Variants in HIRA observed in about 807,000 individuals in gnomAD.
HIRA encodes the protein histone cell cycle regulator.
In HIRA, 13 loss-of-function variants were observed where a neutral mutation model predicts 126.6. The ratio of observed to expected loss-of-function variants is 0.10; its 90% confidence interval spans 0.07 to 0.16. The LOEUF is 0.16. Among genes scored for constraint, HIRA ranks in the 10% least tolerant of loss-of-function variants. HIRA has a pLI of 1.00. For missense variants in HIRA, 834 were observed against 1,314.4 expected, an observed-to-expected ratio of 0.63 and a Z score of 5.65; for synonymous variants, 511 against 520.0, an observed-to-expected ratio of 0.98 and a Z score of 0.24.
intron 8 of HIRA, 82 bp downstream of exon 8, chr22:19,394,260 A>G (rs968381408): frequency 1.7e-5 from 25 of 1,463,700 alleles, no homozygotes; most frequent in Non-Finnish European, 2.2e-5. Context: ...TAAATATTTA[A>G]GTATAACTAT....
intron 5 of HIRA, among the ~76,000 whole-genome samples, chr22:19,403,846 A>C (rs982328845): frequency 6.6e-6 from 1 of 152,192 alleles, no homozygotes; most frequent in Non-Finnish European, 1.5e-5. Flanking sequence ...TGCACCTACA[A>C]CTAATTTAGA....
At chr22:19,367,368 A>AT (rs34765416) in intron 15 of HIRA, among the ~76,000 whole-genome samples, 46 of 138,930 alleles carry the variant, frequency 3.3e-4, no homozygotes, top group Admixed American at 7.9e-4. Context: ...CCAATGTACC[A>AT]TTTTTTTTTT....
In HIRA at chr22:19,413,352, G is replaced by C. The variant is rs147143906; in HGVS notation, c.38-2574C>G. ...TTAAACATCATGGGCTGAATCTTTA[G>C]CCCTGCCACTTACCCAGCTACAAAG... On this transcript the variant is annotated intron_variant, in intron 1 of 24. Coordinates refer to ENST00000263208, the MANE Select transcript of HIRA (RefSeq NM_003325.4). 1.5e-4 allele frequency among the ~76,000 whole-genome samples: 23 copies of C among 152,236 alleles called. No individual in the cohort carries two copies. In the East Asian group the frequency reaches 4.4e-3, roughly 29 times the overall value.
Position 19,405,811 on chromosome 22 carries a change from G to A in HIRA, c.372C>T (p.Val124=), listed in dbSNP as rs774451694. 6.7e-7 allele frequency: 1 copy of A among 1,491,734 alleles called. No individual in the cohort carries two copies. The allele number at this position is 1,491,734 out of a possible 1,614,324, so 92.4% of individuals were successfully genotyped here. ...KLANVEQWRC[V]SILRNHSGDV... The stretch of plus-strand genomic sequence containing the variant: ...CGCCTGAATGATTCCGGAGGATAGA[G>A]ACACACCGCCACTGCTCCACATTGG... The change falls in exon 5 of 25, where the codon GTC becomes GTT. Residue 124 remains valine, a synonymous_variant. Coordinates refer to ENST00000263208, the MANE Select transcript of HIRA (RefSeq NM_003325.4).
chr22:19,363,996 T>C (rs147568212), intron 15 of HIRA, among the ~76,000 whole-genome samples: 5 of 152,092 alleles, frequency 3.3e-5, no homozygotes, highest in Admixed American at 3.3e-4. Context: ...ACATCAAGAG[T>C]AGACCCAAAT....
chr22:19,357,005 A>T lies in HIRA; in HGVS notation c.2281T>A (p.Ser761Thr). The change falls in exon 19 of 25, where the codon TCC becomes ACC. Residue 761 changes from serine to threonine, a missense_variant. Ser to Thr is a moderately conservative substitution (Grantham distance 58, BLOSUM62 1). Transcript: ENST00000263208. ...ACEKRMLSVF[S>T]TCGRRLLSPI... ...GAGAGGAGACGGCGACCACAGGTGG[A>T]GAACACTGACAGCATCCTTTTTTCA... is the stretch of plus-strand genomic sequence containing the variant. 2 of 1,614,060 alleles carry T rather than the reference A, an allele frequency of 1.2e-6. No homozygotes were observed. The highest frequency in any genetic ancestry group is 1.7e-6 in the Non-Finnish European group (2 of 1,180,000).
At chr22:19,381,575 A>G (rs1219634803) in intron 13 of HIRA, among the ~76,000 whole-genome samples, 1 of 147,738 alleles carries the variant, frequency 6.8e-6, no homozygotes, top group African/African-American at 2.7e-5. Context: ...GATACGTAGA[A>G]TTAAATAGTT....
intron 15 of HIRA, among the ~76,000 whole-genome samples, chr22:19,364,400 CTA>C (rs997825366): frequency 4.6e-5 from 7 of 152,128 alleles, no homozygotes; most frequent in African/African-American, 1.4e-4. Flanking sequence ...TTCGCAGAGA[CTA>C]TGTTTTTTTT....
At position 19,394,387 on chromosome 22, in the gene HIRA, C is replaced by G. The variant is rs778986668; in HGVS notation, c.777G>C (p.Lys259Asn). ...GGTGCCCAACAAAGTCCATGTTGGT[C>G]TTCCATCCCTCCCGTTCGATGATCT... ...TAQIIEREGW[K>N]TNMDFVGHRK... The change falls in exon 8 of 25, where the codon AAG becomes AAC. Residue 259 changes from lysine (K) to asparagine (N), a missense_variant. By Grantham distance (94) the Lys-to-Asn change is moderately conservative. Transcript: ENST00000263208. 2.5e-6 allele frequency: 4 copies of G among 1,614,062 alleles called. No individual in the cohort carries two copies. The highest frequency in any genetic ancestry group is 1.7e-5 in the Admixed American group (1 of 59,996).
At chr22:19,374,475 C>G (rs1279753728) in intron 15 of HIRA, among the ~76,000 whole-genome samples, 1 of 152,138 alleles carries the variant, frequency 6.6e-6, no homozygotes, top group Non-Finnish European at 1.5e-5. Context: ...AATTATGAAA[C>G]AAGCATGATT....
At chr22:19,397,705 C>T (rs920812859) in intron 6 of HIRA, among the ~76,000 whole-genome samples, 3 of 152,100 alleles carry the variant, frequency 2.0e-5, no homozygotes, top group African/African-American at 7.2e-5. Flanking sequence ...TGGGGGTGCA[C>T]ACAGCAGGTT....
At chr22:19,336,799 G>A (rs981714578) in intron 24 of HIRA, among the ~76,000 whole-genome samples, 14 of 152,174 alleles carry the variant, frequency 9.2e-5, no homozygotes, top group African/African-American at 2.7e-4. Context: ...AATAATCACC[G>A]CAGTCTGGCT....
chr22:19,362,908 GAAAAAGAAGAT>G (rs1432452952), intron 15 of HIRA, among the ~76,000 whole-genome samples: 1 of 151,314 alleles, frequency 6.6e-6, no homozygotes, highest in East Asian at 1.9e-4. Flanking sequence ...AGAGAAGGCA[GAAAAAGAAGAT>G]AAAAAGAAGT....
At chr22:19,374,876 A>T (rs1013582868) in intron 15 of HIRA, among the ~76,000 whole-genome samples, 1 of 152,140 alleles carries the variant, frequency 6.6e-6, no homozygotes, top group Non-Finnish European at 1.5e-5. Context: ...ACAGCTCTTA[A>T]GCCCCCAAAG....
At chr22:19,331,621 C>G in intron 24 of HIRA, 65 bp from the exon 25 acceptor site, 2 of 1,450,922 alleles carry the variant, frequency 1.4e-6, no homozygotes, top group Non-Finnish European at 1.9e-6. Flanking sequence ...TGGGGACTTT[C>G]CTGGCCTGGC....
chr22:19,343,332 G>C (rs1006131167), intron 24 of HIRA, among the ~76,000 whole-genome samples: 3 of 152,060 alleles, frequency 2.0e-5, no homozygotes, highest in African/African-American at 7.2e-5. Context: ...TAGGTGGATT[G>C]CTTGAGCTCA....
chr22:19,400,103 T>C (rs1001720240), intron 5 of HIRA, among the ~76,000 whole-genome samples: 1 of 152,234 alleles, frequency 6.6e-6, no homozygotes, highest in Non-Finnish European at 1.5e-5. Context: ...ATAATGCAGC[T>C]ATTAACTGCA....
At position 19,407,189 on chromosome 22, in the gene HIRA, C is replaced by T; in HGVS notation, c.297G>A (p.Arg99=). The T allele has an allele frequency of 2.5e-6, 4 of 1,612,480 alleles. No individual in the cohort carries two copies. The highest frequency in any genetic ancestry group is 2.5e-6 in the Non-Finnish European group (3 of 1,178,632). ...GDDKLIMVWK[R]ATYIGPSTVF... Reference sequence around the variant, plus strand: ...GAAAGGAAAATGATGCTTACGTAGCCCGCTTCCACACCATAATCAGTTTGT... The same window carrying T: ...GAAAGGAAAATGATGCTTACGTAGCTCGCTTCCACACCATAATCAGTTTGT... Residue 99 remains arginine (R), a synonymous_variant, in exon 4 of 25, where the codon CGG becomes CGA. Transcript: ENST00000263208.
At chr22:19,431,360 G>C in intron 1 of HIRA, 80 bp downstream of exon 1, 1 of 1,480,650 alleles carries the variant, frequency 6.8e-7, no homozygotes, top group Non-Finnish European at 9.3e-7. Context: ...AGACAGGCAG[G>C]ACTTGCGCGC....
Sources: gnomAD v4.1 joint callset for allele counts (sites outside exome capture counted in the v4.1 genomes callset) on GRCh38, gnomAD v4.1.1 for gene constraint, MANE v1.5 for transcripts, NCBI Gene and HGNC (gene_info 2026-07-23, HGNC 2026-07-21) for gene names.